The following CNTN6 variants were observed in gnomAD, a reference collection of about 807,000 sequenced individuals.
The protein encoded by CNTN6 is contactin-6.
A neutral mutation model predicts 122.8 loss-of-function variants in CNTN6; 137 were observed. That is an observed-to-expected ratio of 1.12 (90% confidence interval 0.97 to 1.29). The LOEUF (loss-of-function observed/expected upper bound fraction) is 1.29, where lower values mean the gene tolerates loss of function less well. CNTN6 is among the 50% of genes most tolerant of loss of function. CNTN6 has a pLI of 0.00. For missense variants in CNTN6, 1,634 were observed against 1,223.4 expected (o/e 1.34, Z -5.01); for synonymous variants, 570 against 426.0 (o/e 1.34, Z -4.16).
chr3:1,152,525 C>A (rs2092869509), intron 2 of CNTN6, among the ~76,000 whole-genome samples: 1 of 152,028 alleles, frequency 6.6e-6, no homozygotes, highest in Admixed American at 6.6e-5. Context: ...ATTTTGTTGA[C>A]CCTAGAATGT....
At chr3:1,095,243 C>T (rs938330763) in intron 1 of CNTN6, among the ~76,000 whole-genome samples, 3 of 152,070 alleles carry the variant, frequency 2.0e-5, no homozygotes, top group South Asian at 2.1e-4. Flanking sequence ...GAGGCCGAGG[C>T]GGGCGGATCA....
At chr3:1,166,441 A>C (rs567441584) in intron 2 of CNTN6, among the ~76,000 whole-genome samples, 1 of 152,206 alleles carries the variant, frequency 6.6e-6, no homozygotes, top group Non-Finnish European at 1.5e-5. Flanking sequence ...TGAGCAAAAA[A>C]AAGGCACATC....
chr3:1,131,844 G>A (rs2092344734), intron 1 of CNTN6, among the ~76,000 whole-genome samples: 1 of 152,044 alleles, frequency 6.6e-6, no homozygotes, highest in South Asian at 2.1e-4. Context: ...TGGAGTGCCT[G>A]CGGGATGGAA....
At chr3:1,332,523 G>GGGC (rs71887070) in intron 11 of CNTN6, among the ~76,000 whole-genome samples, 1 of 150,160 alleles carries the variant, frequency 6.7e-6, no homozygotes, top group Admixed American at 6.7e-5. Flanking sequence ...AGGAAGGAAG[G>GGGC]AAGGAAGGAG....
At chr3:1,147,460 G>A (rs1434915356) in intron 1 of CNTN6, among the ~76,000 whole-genome samples, 1 of 152,068 alleles carries the variant, frequency 6.6e-6, no homozygotes, top group Non-Finnish European at 1.5e-5. Flanking sequence ...ATTTTTATGA[G>A]TTTAGGAGTT....
At chr3:1,237,412 C>A (rs2125590625) in intron 4 of CNTN6, among the ~76,000 whole-genome samples, 1 of 152,078 alleles carries the variant, frequency 6.6e-6, no homozygotes, top group South Asian at 2.1e-4. Context: ...ATTAAATACC[C>A]AAACCTAAGA....
At chr3:1,158,628 A>G (rs911004688) in intron 2 of CNTN6, among the ~76,000 whole-genome samples, 63 of 151,464 alleles carry the variant, frequency 4.2e-4, no homozygotes, top group African/African-American at 1.5e-3. Flanking sequence ...GCTGGAGTGC[A>G]GTGGCAAGAT....
chr3:1,352,667 T>C (rs916631731), intron 12 of CNTN6, among the ~76,000 whole-genome samples: 4 of 151,850 alleles, frequency 2.6e-5, no homozygotes, highest in Non-Finnish European at 4.4e-5. Flanking sequence ...TTGAAAATGC[T>C]GTCAGAGTGT....
At chr3:1,267,630 A>G (rs1407652278) in intron 4 of CNTN6, among the ~76,000 whole-genome samples, 1 of 152,208 alleles carries the variant, frequency 6.6e-6, no homozygotes, top group Non-Finnish European at 1.5e-5. Flanking sequence ...AGTAGGAAGT[A>G]AGAAGGTCTT....
chr3:1,273,277 G>C (rs981517827), intron 4 of CNTN6, among the ~76,000 whole-genome samples: 4 of 152,168 alleles, frequency 2.6e-5, no homozygotes, highest in African/African-American at 9.6e-5. Flanking sequence ...AAATATTATA[G>C]AATTTGAGAC....
intron 2 of CNTN6, among the ~76,000 whole-genome samples, chr3:1,203,895 A>T (rs1359417420): frequency 1.3e-5 from 2 of 152,190 alleles, no homozygotes; most frequent in African/African-American, 4.8e-5. Flanking sequence ...TCGATACACA[A>T]ATACTCCCCA....
In CNTN6 at chr3:1,324,293, G is replaced by A. The variant is rs552202883; in HGVS notation, c.947-1522G>A. ...CTTGGTGAAGGCAGGTTGTGCAGTA[G>A]AAAAACTCTAGAAGTCAGACAGACT... On this transcript the variant is annotated intron_variant, in intron 8 of 22. Coordinates refer to ENST00000446702, the MANE Select transcript of CNTN6 (RefSeq NM_001289080.2). Among the ~76,000 whole-genome samples, 117 of 147,628 alleles carry A rather than the reference G, an allele frequency of 7.9e-4. 10 individuals carry two copies. The highest frequency in any genetic ancestry group is 2.9e-3 in the African/African-American group (110 of 37,968).
chr3:1,373,583 T>G (rs779106029), intron 14 of CNTN6, 21 bp from the exon 15 acceptor site: 5 of 1,608,626 alleles, frequency 3.1e-6, no homozygotes, highest in Non-Finnish European at 3.4e-6. Context: ...AATGGAGTCA[T>G]GATAAAACAT....
At chr3:1,264,717 A>C (rs962455896) in intron 4 of CNTN6, among the ~76,000 whole-genome samples, 1 of 152,154 alleles carries the variant, frequency 6.6e-6, no homozygotes, top group Non-Finnish European at 1.5e-5. Context: ...TGGTAAAAAC[A>C]TTTAAAATCT....
intron 1 of CNTN6, among the ~76,000 whole-genome samples, chr3:1,112,113 A>G (rs2091508990): frequency 6.6e-6 from 1 of 152,158 alleles, no homozygotes; most frequent in African/African-American, 2.4e-5. Context: ...TATCAGGGAA[A>G]TATGTAAAAC....
intron 5 of CNTN6, among the ~76,000 whole-genome samples, chr3:1,288,454 A>G (rs1362207273): frequency 1.3e-5 from 2 of 152,224 alleles, no homozygotes; most frequent in African/African-American, 2.4e-5. Context: ...TAGCATAACC[A>G]TGATTGACCA....
At chr3:1,102,850 G>A (rs1030882135) in intron 1 of CNTN6, among the ~76,000 whole-genome samples, 3 of 150,606 alleles carry the variant, frequency 2.0e-5, no homozygotes, top group Non-Finnish European at 4.5e-5. Flanking sequence ...GCTCACGCCT[G>A]TAATCCCAGC....
intron 8 of CNTN6, among the ~76,000 whole-genome samples, chr3:1,325,583 A>G (rs1701417946): frequency 6.6e-6 from 1 of 151,782 alleles, no homozygotes; most frequent in Non-Finnish European, 1.5e-5. Flanking sequence ...GGTGGAGCAA[A>G]ATGACAGATG....
At chr3:1,152,818 A>G (rs538634936) in intron 2 of CNTN6, among the ~76,000 whole-genome samples, 10 of 152,182 alleles carry the variant, frequency 6.6e-5, no homozygotes, top group Admixed American at 5.2e-4. Context: ...AGATAGCACA[A>G]TTTTATCTGC....
Sources: gnomAD v4.1 joint callset for allele counts (sites outside exome capture counted in the v4.1 genomes callset) on GRCh38, gnomAD v4.1.1 for gene constraint, MANE v1.5 for transcripts, NCBI Gene and HGNC (gene_info 2026-07-23, HGNC 2026-07-21) for gene names.